Variants in SLC18A2 observed in about 807,000 individuals in gnomAD.
SLC18A2 encodes synaptic vesicular amine transporter.
SLC18A2 carries 33 observed loss-of-function variants against 59.2 expected under a neutral mutation model. The observed-to-expected ratio is 0.56, with a 90% confidence interval of 0.42 to 0.75. The LOEUF (loss-of-function observed/expected upper bound fraction) is 0.75, where lower values mean the gene tolerates loss of function less well. SLC18A2 is among the 30% of genes least tolerant of loss of function. SLC18A2 has a pLI of 0.00. For synonymous variants in SLC18A2, 228 were observed against 253.5 expected (o/e 0.90, Z 0.95); for missense variants, 569 against 668.6 (o/e 0.85, Z 1.64).
At position 117,269,396 on chromosome 10, in the gene SLC18A2, A is replaced by T. The variant is rs1026042171; in HGVS notation, c.1187-675A>T. 6.6e-6 allele frequency among the ~76,000 whole-genome samples: 1 copy of T among 152,196 alleles called. No homozygotes were observed. Among genetic ancestry groups the T allele is most frequent in the Non-Finnish European group, 1.5e-5 (1 of 68,024 alleles). ...TACACAGATACATATATACATATAC[A>T]TACATACTCATAAATACACACATAT... On this transcript the variant is annotated intron_variant, in intron 13 of 15. Transcript: ENST00000644641. The surrounding 1 kb of genome is among the most constrained non-coding windows in gnomAD (Gnocchi z 5.1).
rs779209356 is a variant in SLC18A2, at chr10:117,253,378, T to C, written c.465-21T>C. The C allele has an allele frequency of 1.1e-5, 18 of 1,599,768 alleles. No homozygotes were observed. In the South Asian group the frequency reaches 1.8e-4, roughly 16 times the overall value. ...AAATAGCCTGCAGTCACCAGATTTGTCTGATGTTTGTGTTTTGCAGAATTG... is the reference window on the plus strand; with the variant it reads ...AAATAGCCTGCAGTCACCAGATTTGCCTGATGTTTGTGTTTTGCAGAATTG... On this transcript the variant is annotated intron_variant, in intron 3 of 15. Coordinates refer to ENST00000644641, the MANE Select transcript of SLC18A2 (RefSeq NM_003054.6).
chr10:117,277,384 A>G lies in SLC18A2; in HGVS notation c.*118A>G, dbSNP rs1462612930. 1 of 554,842 alleles carries G rather than the reference A, an allele frequency of 1.8e-6. No homozygotes were observed. Among genetic ancestry groups the G allele is most frequent in the Non-Finnish European group, 3.1e-6 (1 of 326,872 alleles). 34.4% of individuals were successfully genotyped at this position (554,842 alleles called of 1,614,324 possible). On this transcript the variant is annotated 3_prime_UTR_variant, in exon 16 of 16. Coordinates refer to ENST00000644641, the MANE Select transcript of SLC18A2 (RefSeq NM_003054.6). ...CCATCCCTGGTGAAAGAGTAAAACC[A>G]AAGGTTATTATTTCCTTTCCATGGT...
chr10:117,269,983 T>C lies in SLC18A2; in HGVS notation c.1187-88T>C. 6.7e-7 allele frequency: 1 copy of C among 1,486,216 alleles called. No homozygotes were observed. Among genetic ancestry groups the C allele is most frequent in the Admixed American group, 1.8e-5 (1 of 55,390 alleles). 92.1% of individuals were successfully genotyped at this position (1,486,216 alleles called of 1,614,324 possible). On this transcript the variant is annotated intron_variant, in intron 13 of 15. Transcript: ENST00000644641. This position sits in a 1 kb window ranked among gnomAD's most constrained non-coding sequence, Gnocchi z 5.1. ...GACAGAAGGGGAAGAGCTGGCAGGGTGGTGAGTTTAAGACACACTCCCTGA... is the reference window on the plus strand; with the variant it reads ...GACAGAAGGGGAAGAGCTGGCAGGGCGGTGAGTTTAAGACACACTCCCTGA...
At chr10:117,257,751 G>T in intron 9 of SLC18A2, 46 bp from the exon 10 acceptor site, 1 of 1,298,808 alleles carries the variant, frequency 7.7e-7, no homozygotes, top group South Asian at 1.4e-5. Flanking sequence ...GCCTGGAAAT[G>T]AGAGAGGAGG....
At chr10:117,267,138 G>T in intron 12 of SLC18A2, 103 bp downstream of exon 12, 1 of 838,148 alleles carries the variant, frequency 1.2e-6, no homozygotes, top group East Asian at 2.5e-5. Context: ...GTTTGTTGAT[G>T]TTTTATTACA....
chr10:117,269,064 C>G lies in SLC18A2; in HGVS notation c.1187-1007C>G, dbSNP rs1410234638. Among the ~76,000 whole-genome samples the G allele has an allele frequency of 1.3e-5, 2 of 151,144 alleles. No individual in the cohort carries two copies. Among genetic ancestry groups the G allele is most frequent in the African/African-American group, 4.9e-5 (2 of 41,018 alleles). On this transcript the variant is annotated intron_variant, in intron 13 of 15. Transcript: ENST00000644641. The surrounding 1 kb of genome is among the most constrained non-coding windows in gnomAD (Gnocchi z 5.1). ...CACACATACACCCCCCACATAAACA[C>G]ATACACATACACAAATATACATACA...
chr10:117,253,354 A>AAT, intron 3 of SLC18A2, 45 bp from the exon 4 acceptor site: 1 of 1,447,132 alleles, frequency 6.9e-7, no homozygotes, highest in Non-Finnish European at 9.7e-7. Context: ...GCCTTAAAAA[A>AAT]ATAGCCTGCA....
At chr10:117,255,828 G>T (rs915425868) in intron 9 of SLC18A2, among the ~76,000 whole-genome samples, 171 bp downstream of exon 9, 2 of 152,186 alleles carry the variant, frequency 1.3e-5, no homozygotes, top group South Asian at 4.1e-4. Context: ...GTTTTCTTCC[G>T]CCATTGCTTT....
intron 10 of SLC18A2, among the ~76,000 whole-genome samples, chr10:117,262,604 G>A (rs923974075): frequency 1.3e-5 from 2 of 152,110 alleles, no homozygotes; most frequent in Non-Finnish European, 2.9e-5. Context: ...TCCAAGTGGG[G>A]TGTGCACTGC....
rs144571225 is a variant in SLC18A2, at chr10:117,244,292, T to A, written c.443T>A (p.Phe148Tyr). The part of the protein sequence containing the change: ...KATVQLITNP[F>Y]IGLLTNRIGY... ...ACCGTCCAGCTCATCACCAACCCTT[T>A]CATAGGACTACTGACCAACAGGTAG... The change falls in exon 3 of 16, where the codon TTC (phenylalanine) becomes TAC (tyrosine). Residue 148 changes from phenylalanine (F) to tyrosine (Y), a missense_variant. Around this residue, in one of 2 missense-constraint regions of SLC18A2, gnomAD observed 377 missense variants for 389.8 expected, o/e 0.97. Transcript: ENST00000644641. 2.5e-6 allele frequency: 4 copies of A among 1,613,884 alleles called. No individual in the cohort carries two copies. In the African/African-American group the frequency reaches 5.3e-5, roughly 22 times the overall value.
intron 3 of SLC18A2, among the ~76,000 whole-genome samples, chr10:117,247,687 A>G (rs1844122502): frequency 6.6e-6 from 1 of 152,214 alleles, no homozygotes; most frequent in South Asian, 2.1e-4. Context: ...TCCTGTGGAC[A>G]TGGAACCTCC....
chr10:117,254,036 C>G lies in SLC18A2; in HGVS notation c.524-12C>G. ...GCACTGATGTGCGGTCTTGGACCCCCTCTCTCGGCAGTGTTTGCCTTCTCC... is the reference window on the plus strand; with the variant it reads ...GCACTGATGTGCGGTCTTGGACCCCGTCTCTCGGCAGTGTTTGCCTTCTCC... On this transcript the variant is annotated splice_polypyrimidine_tract_variant and intron_variant, in intron 4 of 15. Coordinates refer to ENST00000644641, the MANE Select transcript of SLC18A2 (RefSeq NM_003054.6). The G allele has an allele frequency of 1.2e-6, 2 of 1,612,732 alleles. No individual in the cohort carries two copies. Among genetic ancestry groups the G allele is most frequent in the Non-Finnish European group, 1.7e-6 (2 of 1,179,888 alleles).
At chr10:117,245,292 A>C (rs547486183) in intron 3 of SLC18A2, among the ~76,000 whole-genome samples, 3 of 152,306 alleles carry the variant, frequency 2.0e-5, no homozygotes, top group African/African-American at 7.2e-5. Context: ...CAGGCCCAGA[A>C]GCAGGAACAA....
At position 117,278,346 on chromosome 10, in the gene SLC18A2, CAT is replaced by C. The variant is rs1281051917; in HGVS notation, c.*1085_*1086del. Reference sequence around the variant, plus strand: ...TGAAGAATGAAATTATGTCTTGAATCATATATTAAGAAGTAAAAATAATAGTG... The same window carrying C: ...TGAAGAATGAAATTATGTCTTGAATCATATTAAGAAGTAAAAATAATAGTG... On this transcript the variant is annotated 3_prime_UTR_variant, in exon 16 of 16. Transcript: ENST00000644641. 1.3e-5 allele frequency: 2 copies of C among 152,240 alleles called. No homozygotes were observed. The highest frequency in any genetic ancestry group is 3.9e-4 in the East Asian group (2 of 5,184). 9.4% of individuals were successfully genotyped at this position (152,240 alleles called of 1,614,324 possible).
At chr10:117,246,483 A>G (rs147379237) in intron 3 of SLC18A2, among the ~76,000 whole-genome samples, 1 of 152,286 alleles carries the variant, frequency 6.6e-6, no homozygotes, top group East Asian at 1.9e-4. Context: ...CTTCAAAAAC[A>G]TTATCTTCCA....
chr10:117,254,174 C>G (rs1363093251), intron 5 of SLC18A2, 43 bp downstream of exon 5: 1 of 1,577,638 alleles, frequency 6.3e-7, no homozygotes, highest in African/African-American at 1.3e-5. Context: ...GGGCCCCTTG[C>G]AGAGTGAGCT....
At chr10:117,249,706 G>A (rs1351295456) in intron 3 of SLC18A2, among the ~76,000 whole-genome samples, 1 of 152,228 alleles carries the variant, frequency 6.6e-6, no homozygotes, top group Non-Finnish European at 1.5e-5. Context: ...TAACACTAGA[G>A]AAGTATTGTC....
chr10:117,272,995 C>A (rs1440284445), intron 15 of SLC18A2, among the ~76,000 whole-genome samples: 1 of 152,176 alleles, frequency 6.6e-6, no homozygotes, highest in Admixed American at 6.5e-5. Flanking sequence ...TGAGCAGTTG[C>A]CAAATGCTGG....
intron 3 of SLC18A2, 92 bp downstream of exon 3, chr10:117,244,405 G>A: frequency 8.2e-7 from 1 of 1,226,904 alleles, no homozygotes; most frequent in Non-Finnish European, 1.1e-6. Context: ...TCATTGGTGA[G>A]AGTCTGGAAA....
Sources: gnomAD v4.1 joint callset for allele counts (sites outside exome capture counted in the v4.1 genomes callset) on GRCh38, gnomAD v4.1.1 for gene constraint, gnomAD v4.1.1 regional missense constraint, Gnocchi (gnomAD v3.1) non-coding constraint, MANE v1.5 for transcripts, NCBI Gene and HGNC (gene_info 2026-07-23, HGNC 2026-07-21) for gene names.